ADGRG6: variants seen among roughly 807,000 people sequenced by gnomAD.
ADGRG6 encodes the protein G-protein coupled receptor 126.
Under a neutral mutation model 142.4 loss-of-function variants are expected in ADGRG6, and 84 were observed. That is an observed-to-expected ratio of 0.59 (90% CI 0.49 to 0.71). ADGRG6 has a LOEUF of 0.71. Ranked by LOEUF, ADGRG6 falls within the 30% of genes least tolerant of loss-of-function variation. ADGRG6 has a pLI of 0.00. For synonymous variants in ADGRG6, 521 were observed against 520.5 expected, an observed-to-expected ratio of 1.00 and a Z score of -0.01; for missense variants, 1,367 against 1,466.6, an observed-to-expected ratio of 0.93 and a Z score of 1.11.
Position 142,419,934 on chromosome 6 carries a change from G to A in ADGRG6, c.3149G>A (p.Arg1050Lys). 1 of 1,613,392 alleles carries A rather than the reference G, an allele frequency of 6.2e-7. No homozygotes were observed. Residue 1050 changes from arginine (R) to lysine (K), a missense_variant, in exon 22 of 25, where the codon AGG becomes AAG. This residue lies in a region of ADGRG6 where 344 missense variants were observed against 348.7 expected (regional missense o/e 0.99). Transcript: ENST00000367609. ...FIVVMVQICG[R>K]NGKRSNRTLR... The stretch of plus-strand genomic sequence containing the variant: ...GTGGTAATGGTGCAGATCTGTGGGA[G>A]GAATGGCAAGAGAAGCAACCGGACC...
chr6:142,433,586 A>G (rs1562392463), intron 22 of ADGRG6, among the ~76,000 whole-genome samples: 1 of 152,152 alleles, frequency 6.6e-6, no homozygotes, highest in Non-Finnish European at 1.5e-5. Context: ...ATAGAAGAAA[A>G]TCTTTCCTTA....
Position 142,391,434 on chromosome 6 carries a change from T to TACACAC in ADGRG6, c.1308+1131_1308+1136dup, listed in dbSNP as rs35253608. On this transcript the variant is annotated intron_variant, in intron 7 of 24. Coordinates refer to ENST00000367609, the MANE Select transcript of ADGRG6 (RefSeq NM_198569.3). ...TTACGCATTGAGAGGAAGTGGTAGC[T>TACACAC]ACACACACACACACACACACACACA... Among the ~76,000 whole-genome samples, 1,028 of 132,436 alleles carry TACACAC rather than the reference T, an allele frequency of 7.8e-3. 10 individuals carry two copies. Among genetic ancestry groups the TACACAC allele is most frequent in the Middle Eastern group, 0.027 (7 of 262 alleles). 86.9% of individuals were successfully genotyped at this position (132,436 alleles called of 152,430 possible). A position where few individuals can be genotyped will look rare whatever the true frequency, so the allele number is the denominator to read the frequency against.
intron 24 of ADGRG6, among the ~76,000 whole-genome samples, chr6:142,438,726 G>A (rs144947017): frequency 6.6e-6 from 1 of 152,060 alleles, no homozygotes; most frequent in African/African-American, 2.4e-5. Context: ...GATAATTACT[G>A]GACAAGTTGT....
chr6:142,408,305 T>C, intron 16 of ADGRG6, 36 bp downstream of exon 16: 3 of 1,507,648 alleles, frequency 2.0e-6, no homozygotes, highest in Non-Finnish European at 2.7e-6. Flanking sequence ...TGGACAGAAG[T>C]GGACTATTTA....
At chr6:142,357,766 C>T (rs1191276700) in intron 2 of ADGRG6, among the ~76,000 whole-genome samples, 1 of 152,176 alleles carries the variant, frequency 6.6e-6, no homozygotes, top group Non-Finnish European at 1.5e-5. Flanking sequence ...CCTTCACCTG[C>T]ACCACATAAC....
chr6:142,393,381 C>T (rs1044169297), intron 8 of ADGRG6, among the ~76,000 whole-genome samples: 2 of 152,036 alleles, frequency 1.3e-5, no homozygotes, highest in South Asian at 2.1e-4. Context: ...GATCTAATTT[C>T]GTACATCGAC....
intron 2 of ADGRG6, among the ~76,000 whole-genome samples, chr6:142,341,419 A>T (rs1476881007): frequency 1.6e-5 from 2 of 121,878 alleles, no homozygotes; most frequent in Non-Finnish European, 3.3e-5. Flanking sequence ...TATATAATAT[A>T]ATTATATAAT....
intron 6 of ADGRG6, among the ~76,000 whole-genome samples, chr6:142,385,491 A>C (rs6913116): frequency 0.087 from 13,158 of 152,058 alleles, 658 homozygotes; most frequent in East Asian, 0.26. Context: ...ACTATTTACT[A>C]TGTTTTTTTT....
At chr6:142,338,072 G>A (rs1779431342) in intron 2 of ADGRG6, among the ~76,000 whole-genome samples, 1 of 104,964 alleles carries the variant, frequency 9.5e-6, no homozygotes, top group Non-Finnish European at 1.8e-5. Context: ...CCAGGCTGGA[G>A]TGCAGTGGCG....
At chr6:142,390,413 T>C in intron 7 of ADGRG6, 70 bp downstream of exon 7, 1 of 808,856 alleles carries the variant, frequency 1.2e-6, no homozygotes, top group Non-Finnish European at 2.1e-6. Flanking sequence ...AAAGACTAGT[T>C]AACTGAATCC....
intron 2 of ADGRG6, among the ~76,000 whole-genome samples, chr6:142,310,537 TATC>T (rs1777715392): frequency 1.3e-5 from 2 of 151,704 alleles, no homozygotes; most frequent in Non-Finnish European, 1.5e-5. Context: ...TAATATATAT[TATC>T]ATAAAGAATA....
chr6:142,362,453 G>A (rs1022901731), intron 2 of ADGRG6, among the ~76,000 whole-genome samples: 2 of 152,164 alleles, frequency 1.3e-5, no homozygotes, highest in Admixed American at 6.5e-5. Context: ...TAGGGGATTG[G>A]AATGACCAAT....
At chr6:142,432,120 C>G (rs1296340417) in intron 22 of ADGRG6, among the ~76,000 whole-genome samples, 1 of 152,058 alleles carries the variant, frequency 6.6e-6, no homozygotes. Context: ...TGTTTTCTCA[C>G]AGTAGCCTCC....
In ADGRG6 at chr6:142,408,129, C is replaced by T. The variant is rs139623633; in HGVS notation, c.2269-21C>T. 344 of 1,524,642 alleles carry T rather than the reference C, an allele frequency of 2.3e-4. 2 individuals carry two copies. In the East Asian group the frequency reaches 6.1e-3, roughly 27 times the overall value. The allele number at this position is 1,524,642 out of a possible 1,614,324, so 94.4% of individuals were successfully genotyped here. On this transcript the variant is annotated intron_variant, in intron 15 of 24. Coordinates refer to ENST00000367609, the MANE Select transcript of ADGRG6 (RefSeq NM_198569.3). ...AAAGTGTACTTCTGACTGATACACGCGATTTTTTTTTCTTTAAAAGGATGT... is the reference window on the plus strand; with the variant it reads ...AAAGTGTACTTCTGACTGATACACGTGATTTTTTTTTCTTTAAAAGGATGT...
intron 2 of ADGRG6, among the ~76,000 whole-genome samples, chr6:142,357,077 A>C (rs1001747174): frequency 4.0e-4 from 61 of 152,218 alleles, no homozygotes; most frequent in African/African-American, 1.4e-3. Flanking sequence ...TTAGTTTCAT[A>C]ATAATATTGT....
intron 3 of ADGRG6, among the ~76,000 whole-genome samples, chr6:142,369,833 A>G (rs992111789): frequency 2.0e-5 from 3 of 152,196 alleles, no homozygotes; most frequent in African/African-American, 4.8e-5. Flanking sequence ...GAAACCAGTT[A>G]TTTCCTTAAT....
At chr6:142,384,063 T>C (rs1420503068) in intron 6 of ADGRG6, among the ~76,000 whole-genome samples, 3 of 152,090 alleles carry the variant, frequency 2.0e-5, no homozygotes, top group Non-Finnish European at 2.9e-5. Flanking sequence ...TACTCCTCTT[T>C]TGCGCTTTTA....
chr6:142,421,387 G>A (rs1461490836), intron 22 of ADGRG6, among the ~76,000 whole-genome samples: 1 of 152,128 alleles, frequency 6.6e-6, no homozygotes, highest in African/African-American at 2.4e-5. Context: ...TTAGTCCATA[G>A]AATAAGCCTC....
chr6:142,393,101 A>T, intron 8 of ADGRG6, 101 bp downstream of exon 8: 2 of 659,400 alleles, frequency 3.0e-6, no homozygotes, highest in South Asian at 3.7e-5. Context: ...AAATACACAC[A>T]CATAGCTACT....
Sources: gnomAD v4.1 joint callset for allele counts (sites outside exome capture counted in the v4.1 genomes callset) on GRCh38, gnomAD v4.1.1 for gene constraint, gnomAD v4.1.1 regional missense constraint, MANE v1.5 for transcripts, NCBI Gene and HGNC (gene_info 2026-07-23, HGNC 2026-07-21) for gene names.